The following CTNNA2 variants were observed in gnomAD, a reference collection of about 807,000 sequenced individuals.
The protein encoded by CTNNA2 is catenin alpha 2.
A neutral mutation model predicts 101.0 loss-of-function variants in CTNNA2; 42 were observed. The observed-to-expected ratio is 0.42, with a 90% CI of 0.32 to 0.54. CTNNA2 has a LOEUF of 0.54. Among genes scored for constraint, CTNNA2 ranks in the 20% least tolerant of loss-of-function variants. The pLI is 0.14. For synonymous variants in CTNNA2, 450 were observed against 456.4 expected (o/e 0.99, Z 0.18); for missense variants, 871 against 1,223.1 (o/e 0.71, Z 4.29).
At chr2:79,540,604 A>G (rs1673348046) in intron 1 of CTNNA2, among the ~76,000 whole-genome samples, 2 of 152,232 alleles carry the variant, frequency 1.3e-5, no homozygotes, top group Non-Finnish European at 2.9e-5. Context: ...TGCTTTATGT[A>G]GGATGACTCA....
chr2:80,624,410 C>G (rs539741039), intron 18 of CTNNA2, among the ~76,000 whole-genome samples: 1 of 151,690 alleles, frequency 6.6e-6, no homozygotes, highest in Admixed American at 6.6e-5. Context: ...TTCTTTTTTT[C>G]GTGAACAACA....
intron 7 of CTNNA2, among the ~76,000 whole-genome samples, chr2:79,976,739 G>A (rs1355965385): frequency 2.6e-5 from 4 of 152,216 alleles, no homozygotes; most frequent in Non-Finnish European, 5.9e-5. Context: ...GTACAGAAGA[G>A]CCACTGTTTC....
At chr2:79,363,470 A>C (rs1006454076) in intron 3 of CTNNA2, among the ~76,000 whole-genome samples, 2 of 152,210 alleles carry the variant, frequency 1.3e-5, no homozygotes, top group African/African-American at 2.4e-5. Flanking sequence ...TGTTTTGAGA[A>C]ATAATTTAAC....
intron 2 of CTNNA2, among the ~76,000 whole-genome samples, chr2:79,245,353 G>T (rs1674685636): frequency 6.6e-6 from 1 of 152,188 alleles, no homozygotes; most frequent in Admixed American, 6.5e-5. Flanking sequence ...AGAAGGCTGA[G>T]GCACAATAAT....
chr2:79,240,392 G>A (rs1674611893), intron 2 of CTNNA2, among the ~76,000 whole-genome samples: 2 of 152,120 alleles, frequency 1.3e-5, no homozygotes, highest in South Asian at 4.2e-4. Flanking sequence ...CTCAAGGTAA[G>A]TCCCAGTGTC....
At chr2:79,597,283 T>C (rs1046314678) in intron 1 of CTNNA2, among the ~76,000 whole-genome samples, 3 of 151,858 alleles carry the variant, frequency 2.0e-5, no homozygotes, top group African/African-American at 7.3e-5. Context: ...CCATCCTGGC[T>C]AACATGGTGA....
intron 7 of CTNNA2, among the ~76,000 whole-genome samples, chr2:80,195,055 A>C (rs1239100455): frequency 1.3e-5 from 2 of 152,154 alleles, no homozygotes; most frequent in Non-Finnish European, 2.9e-5. Flanking sequence ...TCTAGTTTTC[A>C]TTCCTTGCAG....
intron 2 of CTNNA2, among the ~76,000 whole-genome samples, chr2:79,683,585 C>G (rs541536486): frequency 4.6e-5 from 7 of 152,294 alleles, no homozygotes; most frequent in African/African-American, 1.7e-4. Flanking sequence ...CTTAGAAGAT[C>G]ATTAGCACAT....
At chr2:79,406,207 G>C (rs1467944537) in intron 4 of CTNNA2, among the ~76,000 whole-genome samples, 1 of 152,018 alleles carries the variant, frequency 6.6e-6, no homozygotes, top group Non-Finnish European at 1.5e-5. Flanking sequence ...AAGAATCATG[G>C]CATCTGAAGC....
chr2:80,369,475 A>G lies in CTNNA2; in HGVS notation c.1057-23736A>G, dbSNP rs565666575. ...TGCCCACTGCCTTATTCTTTGTAAA[A>G]GTGAAATATTGAAATTGTGGTAGGC... is the stretch of plus-strand genomic sequence containing the variant. On this transcript the variant is annotated intron_variant, in intron 7 of 18. Coordinates refer to ENST00000402739, the MANE Select transcript of CTNNA2 (RefSeq NM_001282597.3). Among the ~76,000 whole-genome samples, 4 of 152,252 alleles carry G rather than the reference A, an allele frequency of 2.6e-5. No individual in the cohort carries two copies. In the South Asian group the frequency reaches 6.2e-4, roughly 24 times the overall value.
chr2:79,642,615 G>T (rs1210371825), intron 1 of CTNNA2, among the ~76,000 whole-genome samples: 1 of 152,110 alleles, frequency 6.6e-6, no homozygotes, highest in African/African-American at 2.4e-5. Context: ...ACCAGACCAG[G>T]CAATTTTCAT....
chr2:80,015,649 G>A (rs1010032763), intron 7 of CTNNA2, among the ~76,000 whole-genome samples: 6 of 152,152 alleles, frequency 3.9e-5, no homozygotes, highest in Non-Finnish European at 7.3e-5. Context: ...GATTTTGGAT[G>A]TCTTTCTCAA....
At chr2:80,626,491 A>G (rs901413141) in intron 18 of CTNNA2, among the ~76,000 whole-genome samples, 2 of 152,070 alleles carry the variant, frequency 1.3e-5, no homozygotes, top group Admixed American at 1.3e-4. Context: ...TTCCACTTTC[A>G]TCACCATACA....
At chr2:80,543,468 A>G (rs1691758673) in intron 9 of CTNNA2, among the ~76,000 whole-genome samples, 2 of 152,188 alleles carry the variant, frequency 1.3e-5, no homozygotes, top group South Asian at 4.1e-4. Context: ...CACTTGTCAT[A>G]ATTTCTCCTA....
rs539461568 is a variant in CTNNA2 at position 80,101,470 on chromosome 2, T to C, written c.1056+191673T>C. Among the ~76,000 whole-genome samples the C allele has an allele frequency of 9.2e-3, 1,407 of 152,330 alleles. 20 individuals are homozygous for C. Among genetic ancestry groups the C allele is most frequent in the African/African-American group, 0.033 (1,351 of 41,564 alleles). ...TGAGCTGATTCTTTTTTATTATTTT[T>C]ATCTTCTTCTGAAACTTTCATTCAG... On this transcript the variant is annotated intron_variant, in intron 7 of 18. Coordinates refer to ENST00000402739, the MANE Select transcript of CTNNA2 (RefSeq NM_001282597.3).
intron 9 of CTNNA2, among the ~76,000 whole-genome samples, chr2:80,441,518 A>C (rs965081167): frequency 6.6e-6 from 1 of 152,202 alleles, no homozygotes; most frequent in African/African-American, 2.4e-5. Context: ...GTTGCAAAAA[A>C]ATATATAAAA....
chr2:79,446,018 G>A lies in CTNNA2; in HGVS notation c.-134-59036G>A, dbSNP rs536164547. On this transcript the variant is annotated intron_variant, in intron 4 of 21. Transcript: ENST00000466387. ...TGTCATTTAAAAGCAGGATGGCATA[G>A]TAGTTAAGCATTTGGGCTCTGGAAT... Among the ~76,000 whole-genome samples the A allele has an allele frequency of 1.0e-3, 159 of 152,262 alleles. 1 individual carries two copies. Among genetic ancestry groups the A allele is most frequent in the Non-Finnish European group, 1.5e-3 (102 of 68,014 alleles).
At chr2:80,600,995 A>T (rs1697447264) in intron 15 of CTNNA2, among the ~76,000 whole-genome samples, 1 of 152,192 alleles carries the variant, frequency 6.6e-6, no homozygotes, top group African/African-American at 2.4e-5. Context: ...CTTTTTCAAG[A>T]TCTGATGACG....
intron 11 of CTNNA2, among the ~76,000 whole-genome samples, chr2:80,548,573 G>A (rs1243745810): frequency 6.6e-6 from 1 of 152,100 alleles, no homozygotes; most frequent in Admixed American, 6.5e-5. Flanking sequence ...TGATAACACT[G>A]TGCAGTCCAA....
Sources: allele counts gnomAD v4.1 joint callset (sites outside exome capture counted in the v4.1 genomes callset), GRCh38; gene constraint gnomAD v4.1.1; transcripts MANE v1.5; gene names NCBI Gene and HGNC (gene_info 2026-07-23, HGNC 2026-07-21).